The following SLC45A4 variants were observed in gnomAD, a reference collection of about 807,000 sequenced individuals.
The protein encoded by SLC45A4 is solute carrier family 45 member 4, also known as polyamine-transporter SLC45A4.
Under a neutral mutation model 63.7 loss-of-function variants are expected in SLC45A4, and 32 were observed. The ratio of observed to expected loss-of-function variants is 0.50; its 90% CI spans 0.38 to 0.67. The LOEUF is 0.67. Ranked by LOEUF, SLC45A4 falls within the 30% of genes least tolerant of loss-of-function variation. The pLI is 0.00. For missense variants in SLC45A4, 1,027 were observed against 1,157.7 expected (o/e 0.89, Z 1.64); for synonymous variants, 535 against 510.0 (o/e 1.05, Z -0.66).
chr8:141,245,676 T>C (rs1220163474), intron 2 of SLC45A4, among the ~76,000 whole-genome samples: 1 of 152,132 alleles, frequency 6.6e-6, no homozygotes, highest in African/African-American at 2.4e-5. Flanking sequence ...TAGATGGGAC[T>C]CACAGACCCT....
intron 1 of SLC45A4, among the ~76,000 whole-genome samples, chr8:141,291,059 G>A (rs959517090): frequency 1.3e-5 from 2 of 152,190 alleles, no homozygotes; most frequent in African/African-American, 4.8e-5. Context: ...ATGTTGGCCA[G>A]GCTGGTCTCA....
chr8:141,217,896 G>T (rs1826265315), intron 5 of SLC45A4, 115 bp downstream of exon 5: 1 of 1,293,370 alleles, frequency 7.7e-7, no homozygotes, highest in Non-Finnish European at 1.0e-6. Flanking sequence ...GCACTGTGTG[G>T]CCTCCCTGAC....
rs976639953 is a variant in SLC45A4 at position 141,227,097 on chromosome 8, AAC to A, written c.242-5334_242-5333del. On this transcript the variant is annotated intron_variant, in intron 2 of 8. Coordinates refer to ENST00000517878, the MANE Select transcript of SLC45A4 (RefSeq NM_001286646.2). This position sits in a 1 kb window ranked among gnomAD's most constrained non-coding sequence, Gnocchi z 4.4. ...CGGGGCATTTCCCAGCCCGGCTCCA[AAC>A]ACACACAACGCTGGGCCCAGTAAAT... is the stretch of plus-strand genomic sequence containing the variant. 4 of 152,226 alleles carry A rather than the reference AAC, an allele frequency of 2.6e-5. No individual in the cohort carries two copies. The highest frequency in any genetic ancestry group is 4.4e-5 in the Non-Finnish European group (3 of 68,044). 9.4% of individuals were successfully genotyped at this position (152,226 alleles called of 1,614,324 possible).
chr8:141,257,502 T>C (rs930315008), intron 1 of SLC45A4, among the ~76,000 whole-genome samples: 1 of 152,278 alleles, frequency 6.6e-6, no homozygotes, highest in Admixed American at 6.5e-5. Context: ...AGACCCTTCA[T>C]GCCTGCTCAA....
Position 141,301,085 on chromosome 8 carries a change from A to G in SLC45A4, c.-401+7011T>C, listed in dbSNP as rs576733032. Among the ~76,000 whole-genome samples, 9 of 152,264 alleles carry G rather than the reference A, an allele frequency of 5.9e-5. No homozygotes were observed. In the South Asian group the frequency reaches 1.9e-3, roughly 32 times the overall value. ...GACTGCCTGAGAAGCTGCTGTGGAG[A>G]AAGTCCCGGTGCCCAGGGAGCCCCC... is the stretch of plus-strand genomic sequence containing the variant. On this transcript the variant is annotated intron_variant, in intron 1 of 8. Coordinates refer to ENST00000517878, the MANE Select transcript of SLC45A4 (RefSeq NM_001286646.2).
chr8:141,266,541 C>T (rs1563659662), intron 1 of SLC45A4, among the ~76,000 whole-genome samples: 1 of 152,188 alleles, frequency 6.6e-6, no homozygotes, highest in African/African-American at 2.4e-5. Context: ...GGCAATTCTG[C>T]GTCTAAGGCT....
At chr8:141,237,901 TA>T (rs1223731677) in intron 2 of SLC45A4, among the ~76,000 whole-genome samples, 3 of 152,390 alleles carry the variant, frequency 2.0e-5, no homozygotes, top group East Asian at 1.9e-4. Flanking sequence ...AACAGGCGTG[TA>T]ACTCTTTGGG....
chr8:141,228,185 G>A (rs1312185115), intron 2 of SLC45A4: 2 of 1,613,980 alleles, frequency 1.2e-6, no homozygotes, highest in East Asian at 2.2e-5. Context: ...TAACCTTTCT[G>A]AAGACTCCAT....
intron 1 of SLC45A4, among the ~76,000 whole-genome samples, chr8:141,283,023 A>G (rs1232185288): frequency 6.6e-6 from 1 of 152,270 alleles, no homozygotes; most frequent in East Asian, 1.9e-4. Flanking sequence ...GCCAGAGGCC[A>G]GCAGAAGTTT....
At chr8:141,241,644 G>T (rs1827926150) in intron 2 of SLC45A4, among the ~76,000 whole-genome samples, 1 of 152,166 alleles carries the variant, frequency 6.6e-6, no homozygotes, top group Non-Finnish European at 1.5e-5. Context: ...CTGTGGGGCA[G>T]GACCTGCTCA....
chr8:141,270,905 C>A (rs1829497035), intron 1 of SLC45A4, among the ~76,000 whole-genome samples: 1 of 152,178 alleles, frequency 6.6e-6, no homozygotes, highest in Non-Finnish European at 1.5e-5. Context: ...GTCTCCCCAG[C>A]CACGGCAAGA....
At chr8:141,253,879 C>T (rs568248214) in intron 2 of SLC45A4, 110 bp downstream of exon 2, 1 of 1,460,646 alleles carries the variant, frequency 6.8e-7, no homozygotes, top group African/African-American at 1.4e-5. Flanking sequence ...ACTCCAGTGC[C>T]CGGGGCTCTC....
intron 2 of SLC45A4, chr8:141,225,644 G>GCAGCCCTGGACCAGGCAGCCGTCCC (rs1826937082): frequency 3.9e-5 from 6 of 152,684 alleles, no homozygotes; most frequent in African/African-American, 1.4e-4. Context: ...TGGGTCCGGA[G>GCAGCCCTGGACCAGGCAGCCGTCCC]CAGCCCTGGA....
At chr8:141,252,397 G>A (rs866837034) in intron 2 of SLC45A4, 1 of 164,184 alleles carries the variant, frequency 6.1e-6, no homozygotes, top group Admixed American at 6.5e-5. Flanking sequence ...CCACCTGCGC[G>A]TCTGTGAATT....
At chr8:141,253,819 C>T (rs1828638079) in intron 2 of SLC45A4, among the ~76,000 whole-genome samples, 170 bp downstream of exon 2, 1 of 152,218 alleles carries the variant, frequency 6.6e-6, no homozygotes, top group African/African-American at 2.4e-5. Context: ...TGGCTGAAAA[C>T]AGGAGACGAA....
chr8:141,210,825 A>G lies in SLC45A4; in HGVS notation c.*747T>C, dbSNP rs1825761587. 6.6e-6 allele frequency: 1 copy of G among 152,202 alleles called. No individual in the cohort carries two copies. Among genetic ancestry groups the G allele is most frequent in the Non-Finnish European group, 1.5e-5 (1 of 68,030 alleles). The allele number at this position is 152,202 out of a possible 1,614,324, so 9.4% of individuals were successfully genotyped here. A position where few individuals can be genotyped will look rare whatever the true frequency, so the allele number is the denominator to read the frequency against. On this transcript the variant is annotated 3_prime_UTR_variant, in exon 9 of 9. Transcript: ENST00000517878. The stretch of plus-strand genomic sequence containing the variant: ...ATGTGCGGGGCCTCCCTGTCTCCTG[A>G]TCTCAGTAAGCCTACACCGACCGTT...
At chr8:141,276,972 C>T (rs1156795884) in intron 1 of SLC45A4, among the ~76,000 whole-genome samples, 4 of 152,226 alleles carry the variant, frequency 2.6e-5, no homozygotes, top group African/African-American at 7.2e-5. Flanking sequence ...CCTCCAGGAT[C>T]GGATGGCCGC....
In SLC45A4 at chr8:141,271,904, A is replaced by G. The variant is rs534423024; in HGVS notation, c.-400-17275T>C. On this transcript the variant is annotated intron_variant, in intron 1 of 8. Coordinates refer to ENST00000517878, the MANE Select transcript of SLC45A4 (RefSeq NM_001286646.2). ...ATGCAACACACACCTGCGTACACAT[A>G]CATGCGCTCACACGTGTGCAACACA... is the stretch of plus-strand genomic sequence containing the variant. Among the ~76,000 whole-genome samples, 140 of 151,838 alleles carry G rather than the reference A, an allele frequency of 9.2e-4. 1 individual carries two copies. The highest frequency in any genetic ancestry group is 1.4e-3 in the Non-Finnish European group (96 of 67,952).
intron 2 of SLC45A4, chr8:141,253,371 G>T (rs539897312): frequency 4.9e-6 from 1 of 205,464 alleles, no homozygotes; most frequent in African/African-American, 2.4e-5. Flanking sequence ...ACCTGTGCGT[G>T]CCTGTGAATT....
Sources: allele counts gnomAD v4.1 joint callset (sites outside exome capture counted in the v4.1 genomes callset), GRCh38; gene constraint gnomAD v4.1.1; non-coding constraint Gnocchi (gnomAD v3.1); transcripts MANE v1.5; gene names NCBI Gene and HGNC (gene_info 2026-07-23, HGNC 2026-07-21).